THRB: variants seen among roughly 807,000 people sequenced by gnomAD.
THRB encodes the protein nuclear receptor subfamily 1 group A member 2.
THRB carries 12 observed loss-of-function variants against 47.8 expected under a neutral mutation model. That is an observed-to-expected ratio of 0.25 (90% CI 0.16 to 0.41). The LOEUF (loss-of-function observed/expected upper bound fraction) is 0.41. Among genes scored for constraint, THRB ranks in the 10% least tolerant of loss-of-function variants. The pLI is 1.00. For missense variants in THRB, 348 were observed against 589.2 expected (o/e 0.59, Z 4.24); for synonymous variants, 218 against 212.2 (o/e 1.03, Z -0.24).
chr3:24,224,486 A>G (rs2047459320), intron 4 of THRB, among the ~76,000 whole-genome samples: 1 of 152,170 alleles, frequency 6.6e-6, no homozygotes, highest in African/African-American at 2.4e-5. Flanking sequence ...AAGCCATTCT[A>G]CGTAGGTTGT....
chr3:24,253,798 T>C (rs973684169), intron 3 of THRB, among the ~76,000 whole-genome samples: 1 of 152,138 alleles, frequency 6.6e-6, no homozygotes, highest in Non-Finnish European at 1.5e-5. Flanking sequence ...AGGTAGATGA[T>C]CAGTTCAGAT....
chr3:24,318,717 G>C (rs534317933), intron 2 of THRB, among the ~76,000 whole-genome samples: 111 of 152,296 alleles, frequency 7.3e-4, no homozygotes, highest in African/African-American at 2.5e-3. Context: ...CCTGTGTATG[G>C]AGAGGCAAAT....
intron 1 of THRB, among the ~76,000 whole-genome samples, chr3:24,418,823 G>C (rs1199587870): frequency 6.6e-6 from 1 of 151,952 alleles, no homozygotes; most frequent in Non-Finnish European, 1.5e-5. Context: ...AAACTTCTTA[G>C]CTAACTTTTG....
chr3:24,441,498 A>G (rs2071520384), intron 1 of THRB, among the ~76,000 whole-genome samples: 2 of 152,348 alleles, frequency 1.3e-5, no homozygotes, highest in Admixed American at 1.3e-4. Flanking sequence ...ACATTAACAG[A>G]TGCTTCTCCC....
intron 5 of THRB, among the ~76,000 whole-genome samples, chr3:24,168,439 A>G (rs2039952780): frequency 6.6e-6 from 1 of 151,020 alleles, no homozygotes; most frequent in South Asian, 2.1e-4. Flanking sequence ...AACTGCCTTA[A>G]ATAAACTCAG....
At chr3:24,347,749 TA>T (rs966959444) in intron 1 of THRB, among the ~76,000 whole-genome samples, 11 of 150,748 alleles carry the variant, frequency 7.3e-5, no homozygotes, top group South Asian at 2.1e-4. Flanking sequence ...ACACATTGCT[TA>T]AAAAAAAACC....
intron 1 of THRB, among the ~76,000 whole-genome samples, chr3:24,464,869 A>G (rs1259647984): frequency 6.6e-6 from 1 of 152,210 alleles, no homozygotes; most frequent in Non-Finnish European, 1.5e-5. Context: ...TGTGGAAGTT[A>G]TTACTTACAG....
At chr3:24,206,679 A>G (rs527647833) in intron 4 of THRB, among the ~76,000 whole-genome samples, 238 of 152,278 alleles carry the variant, frequency 1.6e-3, no homozygotes, top group African/African-American at 5.3e-3. Flanking sequence ...AGATAGAGAT[A>G]CAAAAACCCT....
At position 24,168,490 on chromosome 3, in the gene THRB, A is replaced by AATATATATAT. The variant is rs370230507; in HGVS notation, c.284-16010_284-16001dup. Among the ~76,000 whole-genome samples, 1,221 of 137,992 alleles carry AATATATATAT rather than the reference A, an allele frequency of 8.8e-3. 23 individuals carry two copies. The highest frequency in any genetic ancestry group is 0.014 in the Non-Finnish European group (916 of 63,302). The allele number at this position is 137,992 out of a possible 152,430, so 90.5% of individuals were successfully genotyped here. ...TCCGATTAGAAGTGTTTCAATCAAT[A>AATATATATAT]ATATATATATATATATATATGCGCC... On this transcript the variant is annotated intron_variant, in intron 5 of 10. Transcript: ENST00000646209.
rs183336490 is a variant in THRB at position 24,336,490 on chromosome 3, G to A, written c.-189+810C>T. ...AAAAATAATAAACACAGAAAGGAAAGTTCTGACACAACCTTATATGCAGAG... is the reference window on the plus strand; with the variant it reads ...AAAAATAATAAACACAGAAAGGAAAATTCTGACACAACCTTATATGCAGAG... On this transcript the variant is annotated intron_variant, in intron 2 of 10. Transcript: ENST00000646209. Among the ~76,000 whole-genome samples, 404 of 152,310 alleles carry A rather than the reference G, an allele frequency of 2.7e-3. 2 individuals are homozygous for A. Among genetic ancestry groups the A allele is most frequent in the African/African-American group, 9.6e-3 (399 of 41,570 alleles).
chr3:24,293,781 C>T (rs985267079), intron 3 of THRB, among the ~76,000 whole-genome samples: 12 of 152,156 alleles, frequency 7.9e-5, no homozygotes, highest in Admixed American at 2.6e-4. Flanking sequence ...GTGATCAGTG[C>T]GGCAAAGCAG....
Position 24,119,765 on chromosome 3 carries a change from G to A in THRB, c.*3119C>T, listed in dbSNP as rs1450385918. On this transcript the variant is annotated 3_prime_UTR_variant, in exon 11 of 11. Transcript: ENST00000646209. ...AAAAAGCTCTGAGGCGGCACGTGGTGTTTTGAGCAGAATCATAAAGAAGAA... is the reference window on the plus strand; with the variant it reads ...AAAAAGCTCTGAGGCGGCACGTGGTATTTTGAGCAGAATCATAAAGAAGAA... 1 of 152,208 alleles carries A rather than the reference G, an allele frequency of 6.6e-6. No individual in the cohort carries two copies. The highest frequency in any genetic ancestry group is 1.9e-4 in the East Asian group (1 of 5,200). 9.4% of individuals were successfully genotyped at this position (152,208 alleles called of 1,614,324 possible).
chr3:24,345,713 T>C (rs868543158), intron 1 of THRB, among the ~76,000 whole-genome samples: 1 of 152,094 alleles, frequency 6.6e-6, no homozygotes, highest in South Asian at 2.1e-4. Flanking sequence ...TCTAGTTCTA[T>C]GCTGAACTCA....
chr3:24,160,053 G>A (rs944778038), intron 5 of THRB, among the ~76,000 whole-genome samples: 3 of 152,202 alleles, frequency 2.0e-5, no homozygotes, highest in African/African-American at 4.8e-5. Flanking sequence ...TAATAGAAGA[G>A]GCTGGTGGGC....
At position 24,152,429 on chromosome 3, in the gene THRB, G is replaced by C. The variant is rs760500773; in HGVS notation, c.345C>G (p.Thr115=). ...ACGTGATACAGCGGTAGTGATACCC[G>C]GTGGCTTTGTCACCACACACTACAC... ...ELCVVCGDKA[T]GYHYRCITCE... Residue 115 remains threonine, a synonymous_variant, in exon 6 of 11, where the codon ACC becomes ACG. Transcript: ENST00000646209. 6.2e-7 allele frequency: 1 copy of C among 1,613,112 alleles called. No homozygotes were observed. Among genetic ancestry groups the C allele is most frequent in the Non-Finnish European group, 8.5e-7 (1 of 1,179,244 alleles).
At chr3:24,374,052 A>G (rs998112204) in intron 1 of THRB, among the ~76,000 whole-genome samples, 1 of 152,082 alleles carries the variant, frequency 6.6e-6, no homozygotes, top group African/African-American at 2.4e-5. Context: ...CGAATCGTCC[A>G]TTGCTGAATT....
chr3:24,456,099 C>T (rs1174652095), intron 1 of THRB, among the ~76,000 whole-genome samples: 2 of 151,998 alleles, frequency 1.3e-5, no homozygotes, highest in African/African-American at 4.8e-5. Flanking sequence ...GAGGCCAAGG[C>T]AGGAGTATTG....
intron 4 of THRB, among the ~76,000 whole-genome samples, chr3:24,217,303 C>T (rs983429418): frequency 6.6e-6 from 1 of 152,014 alleles, no homozygotes; most frequent in African/African-American, 2.4e-5. Flanking sequence ...CAGTCTGTGA[C>T]ACTTCCATGA....
intron 1 of THRB, among the ~76,000 whole-genome samples, chr3:24,474,916 G>A (rs576751340): frequency 3.3e-5 from 5 of 152,278 alleles, no homozygotes; most frequent in South Asian, 4.1e-4. Flanking sequence ...TGTCCAATAC[G>A]CTGTAGGTAG....
Sources: gnomAD v4.1 joint callset for allele counts (sites outside exome capture counted in the v4.1 genomes callset) on GRCh38, gnomAD v4.1.1 for gene constraint, MANE v1.5 for transcripts, NCBI Gene and HGNC (gene_info 2026-07-23, HGNC 2026-07-21) for gene names.